The following ERBB4 variants were observed in gnomAD, a reference collection of about 807,000 sequenced individuals.
ERBB4 encodes the protein erb-b2 receptor tyrosine kinase 4.
In ERBB4, 42 loss-of-function variants were observed where a neutral mutation model predicts 158.0. The ratio of observed to expected loss-of-function variants is 0.27; its 90% CI spans 0.21 to 0.34. ERBB4 has a LOEUF of 0.34. Ranked by LOEUF, ERBB4 falls within the 10% of genes least tolerant of loss-of-function variation. The probability of loss-of-function intolerance (pLI) is 1.00; values close to 1 mark genes in which losing one functional copy is unlikely to be tolerated. For missense variants in ERBB4, 1,333 were observed against 1,624.1 expected, an observed-to-expected ratio of 0.82 and a Z score of 3.08; for synonymous variants, 583 against 558.7, an observed-to-expected ratio of 1.04 and a Z score of -0.61.
chr2:211,544,630 C>G (rs1403869996), intron 20 of ERBB4, among the ~76,000 whole-genome samples: 1 of 151,898 alleles, frequency 6.6e-6, no homozygotes, highest in Non-Finnish European at 1.5e-5. Flanking sequence ...ATAATGATAG[C>G]AAAACGTTAT....
At chr2:211,629,495 C>T (rs1462900413) in intron 17 of ERBB4, among the ~76,000 whole-genome samples, 4 of 152,228 alleles carry the variant, frequency 2.6e-5, no homozygotes, top group Non-Finnish European at 5.9e-5. Context: ...AGATTCAATG[C>T]CATCCCCATC....
At chr2:212,048,892 A>C (rs1277733489) in intron 2 of ERBB4, among the ~76,000 whole-genome samples, 1 of 152,220 alleles carries the variant, frequency 6.6e-6, no homozygotes, top group Non-Finnish European at 1.5e-5. Context: ...ATAAATAAGG[A>C]GAGGAAGTCC....
intron 1 of ERBB4, among the ~76,000 whole-genome samples, chr2:212,202,578 G>T (rs2082619566): frequency 6.6e-6 from 1 of 151,836 alleles, no homozygotes. Context: ...TAGGTTCAAG[G>T]AGTCCTCCCA....
In ERBB4 at chr2:211,737,166, G is replaced by A. The variant is rs561659129; in HGVS notation, c.623-11972C>T. On this transcript the variant is annotated intron_variant, in intron 5 of 27. Coordinates refer to ENST00000342788, the MANE Select transcript of ERBB4 (RefSeq NM_005235.3). ...AGTAACAACCAATGTCAACTTTTGA[G>A]TCTCTGTGAATGCTTGACATCCCTA... Among the ~76,000 whole-genome samples the A allele has an allele frequency of 4.6e-5, 7 of 152,270 alleles. No individual in the cohort carries two copies. The South Asian group carries it at 1.4e-3, about 32-fold the overall frequency.
chr2:211,756,734 G>T (rs1055908760), intron 4 of ERBB4, among the ~76,000 whole-genome samples: 3 of 152,080 alleles, frequency 2.0e-5, no homozygotes, highest in Non-Finnish European at 4.4e-5. Flanking sequence ...TGAGGTTGAC[G>T]GTTCCAAAAT....
At chr2:211,585,351 C>CA (rs4016514) in intron 19 of ERBB4, among the ~76,000 whole-genome samples, 1,484 of 131,926 alleles carry the variant, frequency 0.011, 45 homozygotes, top group African/African-American at 0.032. Flanking sequence ...GACTCCGTCT[C>CA]AAAAAAAAAA....
chr2:212,025,647 T>C (rs2076756163), intron 2 of ERBB4, among the ~76,000 whole-genome samples: 1 of 151,776 alleles, frequency 6.6e-6, no homozygotes, highest in Admixed American at 6.6e-5. Flanking sequence ...TAAGACTTAA[T>C]ATATTAGCTT....
intron 20 of ERBB4, among the ~76,000 whole-genome samples, chr2:211,485,910 G>A (rs894265389): frequency 1.3e-5 from 2 of 152,010 alleles, no homozygotes; most frequent in Non-Finnish European, 2.9e-5. Flanking sequence ...TCAGGGGCTT[G>A]TGGATTGATT....
chr2:211,457,040 T>C (rs1169137536), intron 20 of ERBB4, among the ~76,000 whole-genome samples: 4 of 152,230 alleles, frequency 2.6e-5, no homozygotes, highest in Non-Finnish European at 5.9e-5. Flanking sequence ...ATACAAATTA[T>C]CCCATTTAAT....
chr2:212,206,634 CCA>C (rs2082762756), intron 1 of ERBB4, among the ~76,000 whole-genome samples: 1 of 122,678 alleles, frequency 8.2e-6, no homozygotes, highest in Non-Finnish European at 1.8e-5. Flanking sequence ...TTTGCCCAGG[CCA>C]ACTGCAGTGG....
chr2:211,977,530 T>TAAAAAAAAAAAAAAAAAAAAAAA (rs1394107563), intron 2 of ERBB4, among the ~76,000 whole-genome samples: 1 of 6,688 alleles, frequency 1.5e-4, no homozygotes, highest in Non-Finnish European at 2.9e-4. Context: ...GATATTGACT[T>TAAAAAAAAAAAAAAAAAAAAAAA]TAAAAAAAAA....
At chr2:211,670,264 C>A (rs989944852) in intron 14 of ERBB4, among the ~76,000 whole-genome samples, 1 of 152,102 alleles carries the variant, frequency 6.6e-6, no homozygotes, top group African/African-American at 2.4e-5. Context: ...TGAAAGAAAC[C>A]AAACCATAGT....
At chr2:211,908,678 A>G (rs995032604) in intron 3 of ERBB4, among the ~76,000 whole-genome samples, 3 of 151,842 alleles carry the variant, frequency 2.0e-5, no homozygotes, top group Non-Finnish European at 2.9e-5. Flanking sequence ...ACTGCAATAT[A>G]ACAGACCATA....
chr2:212,309,338 T>G, intron 1 of ERBB4, among the ~76,000 whole-genome samples: 1 of 150,892 alleles, frequency 6.6e-6, no homozygotes, highest in Non-Finnish European at 1.5e-5. Context: ...ATACACTGAT[T>G]AACATATTTA....
At chr2:212,453,791 T>A (rs192477766) in intron 1 of ERBB4, among the ~76,000 whole-genome samples, 1 of 152,358 alleles carries the variant, frequency 6.6e-6, no homozygotes, top group African/African-American at 2.4e-5. Flanking sequence ...ATTTTAATCA[T>A]GTTTAACATA....
At chr2:211,692,392 AAAT>A (rs1247857064) in intron 12 of ERBB4, among the ~76,000 whole-genome samples, 1 of 152,164 alleles carries the variant, frequency 6.6e-6, no homozygotes, top group Non-Finnish European at 1.5e-5. Context: ...AAGAATACTG[AAAT>A]AATTTCCTAT....
chr2:211,780,097 C>T lies in ERBB4; in HGVS notation c.556+7928G>A, dbSNP rs554103530. On this transcript the variant is annotated intron_variant, in intron 4 of 27. Transcript: ENST00000342788. ...AAAATGAAGGCTGGGCGCAGTGGCT[C>T]ATGCCTGTAATCTTAGCACTTTGTG... Among the ~76,000 whole-genome samples, 19 of 152,314 alleles carry T rather than the reference C, an allele frequency of 1.2e-4. 1 individual carries two copies. In the East Asian group the frequency reaches 3.5e-3, roughly 28 times the overall value.
chr2:212,105,192 C>G (rs945111648), intron 2 of ERBB4, among the ~76,000 whole-genome samples: 1 of 152,112 alleles, frequency 6.6e-6, no homozygotes, highest in Admixed American at 6.5e-5. Flanking sequence ...CATTGAGTCA[C>G]CAGCTCCTAG....
intron 1 of ERBB4, among the ~76,000 whole-genome samples, chr2:212,126,460 C>CAAAAAAAAAAAAAAAAAAA (rs10585812): frequency 1.4e-5 from 1 of 70,690 alleles, no homozygotes; most frequent in African/African-American, 5.2e-5. Flanking sequence ...GACTCTGTCT[C>CAAAAAAAAAAAAAAAAAAA]AAAAAAAAAA....
Sources: gnomAD v4.1 joint callset for allele counts (sites outside exome capture counted in the v4.1 genomes callset) on GRCh38, gnomAD v4.1.1 for gene constraint, MANE v1.5 for transcripts, NCBI Gene and HGNC (gene_info 2026-07-23, HGNC 2026-07-21) for gene names.